Variants in PABPC4L observed in about 807,000 individuals in gnomAD.
PABPC4L encodes polyadenylate-binding protein 4-like.
For missense variants in PABPC4L, 452 were observed against 451.4 expected, an observed-to-expected ratio of 1.00 and a Z score of -0.01; for synonymous variants, 169 against 164.1, an observed-to-expected ratio of 1.03 and a Z score of -0.23.
At chr4:134,080,350 T>G in the PABPC4L span, among the ~76,000 whole-genome samples, 28,461 of 152,144 alleles carry the variant, frequency 0.19, 3,296 homozygotes, top group Admixed American at 0.25. Flanking sequence ...AGAGCAATGT[T>G]TCTCTTTCAA....
the PABPC4L span, among the ~76,000 whole-genome samples, chr4:134,179,225 T>G: frequency 6.6e-6 from 1 of 151,994 alleles, no homozygotes; most frequent in African/African-American, 2.4e-5. Flanking sequence ...ATGAGCCAGA[T>G]AAAACTGGGG....
the PABPC4L span, among the ~76,000 whole-genome samples, chr4:134,033,383 T>C: frequency 6.5e-4 from 99 of 151,964 alleles, 2 homozygotes; most frequent in East Asian, 0.013. Context: ...TTAATAACCC[T>C]ATAATGACAT....
chr4:134,035,521 T>G, the PABPC4L span, among the ~76,000 whole-genome samples: 1 of 152,050 alleles, frequency 6.6e-6, no homozygotes, highest in Admixed American at 6.6e-5. Flanking sequence ...ATTTGTGTGC[T>G]TCATGTTTGA....
chr4:134,008,803 T>C, the PABPC4L span, among the ~76,000 whole-genome samples: 1 of 151,778 alleles, frequency 6.6e-6, no homozygotes, highest in African/African-American at 2.4e-5. Flanking sequence ...TGAGGAAATA[T>C]CTCAGTATCT....
the PABPC4L span, among the ~76,000 whole-genome samples, chr4:134,183,322 T>G: frequency 4.6e-5 from 7 of 151,972 alleles, no homozygotes; most frequent in South Asian, 1.2e-3. Flanking sequence ...TAGATGGAGC[T>G]GGAGGCCATT....
chr4:134,154,611 A>G, the PABPC4L span, among the ~76,000 whole-genome samples: 1 of 151,832 alleles, frequency 6.6e-6, no homozygotes, highest in Non-Finnish European at 1.5e-5. Flanking sequence ...CCCTTTTAAA[A>G]CTTCACATTT....
chr4:134,022,704 A>T, the PABPC4L span, among the ~76,000 whole-genome samples: 1 of 151,722 alleles, frequency 6.6e-6, no homozygotes, highest in African/African-American at 2.4e-5. Flanking sequence ...GTTTTTGATG[A>T]TTATAGACTG....
At chr4:134,012,767 C>T in the PABPC4L span, among the ~76,000 whole-genome samples, 14 of 152,274 alleles carry the variant, frequency 9.2e-5, no homozygotes, top group South Asian at 1.2e-3. Flanking sequence ...ATTTCAAATC[C>T]GGTAAGCGGC....
chr4:134,200,880 G>A lies in PABPC4L; in HGVS notation c.140C>T (p.Thr47Ile), dbSNP rs765099377. ...GTAGGCATAGCCCAGAGAGCGGCGG[G>A]TGACCTGGTCCCTGCAAATGCGGAT... is the stretch of plus-strand genomic sequence containing the variant. ...LSIRICRDQV[T>I]RRSLGYAYVN... The change falls in exon 2 of 2, where the codon ACC (threonine) becomes ATC (isoleucine). Residue 47 changes from threonine to isoleucine, a missense_variant. Transcript: ENST00000421491. 3.8e-6 allele frequency: 6 copies of A among 1,561,682 alleles called. No homozygotes were observed. The highest frequency in any genetic ancestry group is 5.2e-6 in the Non-Finnish European group (6 of 1,152,588).
chr4:134,056,411 G>A, the PABPC4L span, among the ~76,000 whole-genome samples: 106,862 of 151,690 alleles, frequency 0.7, 38,053 homozygotes, highest in East Asian at 0.95. Context: ...CATTAAATCT[G>A]TATATCAATT....
the PABPC4L span, among the ~76,000 whole-genome samples, chr4:134,075,862 G>C: frequency 6.6e-6 from 1 of 152,104 alleles, no homozygotes; most frequent in African/African-American, 2.4e-5. Flanking sequence ...CTGCAAGCAT[G>C]TATCCATTGA....
At chr4:133,991,769 G>T in the PABPC4L span, among the ~76,000 whole-genome samples, 1 of 152,114 alleles carries the variant, frequency 6.6e-6, no homozygotes, top group Admixed American at 6.5e-5. Context: ...TGGTAGGAAT[G>T]CCTCAGATTG....
chr4:134,079,677 GTGTGTGTGTC>G, the PABPC4L span, among the ~76,000 whole-genome samples: 2 of 150,934 alleles, frequency 1.3e-5, no homozygotes, highest in African/African-American at 4.9e-5. Context: ...ATGTCTGTGT[GTGTGTGTGTC>G]TGTGTGTGTG....
chr4:134,003,379 T>C, the PABPC4L span, among the ~76,000 whole-genome samples: 2 of 152,070 alleles, frequency 1.3e-5, no homozygotes, highest in East Asian at 1.9e-4. Context: ...TTGAACATAT[T>C]GCATATTTCA....
chr4:134,161,710 A>G, the PABPC4L span, among the ~76,000 whole-genome samples: 2 of 152,154 alleles, frequency 1.3e-5, no homozygotes, highest in Non-Finnish European at 2.9e-5. Context: ...TAATGAGCAA[A>G]AATAAATTAA....
At chr4:134,004,035 C>A in the PABPC4L span, among the ~76,000 whole-genome samples, 1 of 151,814 alleles carries the variant, frequency 6.6e-6, no homozygotes, top group Non-Finnish European at 1.5e-5. Flanking sequence ...AACTCCAAAA[C>A]CACTAGCCAA....
chr4:134,121,393 A>AT, the PABPC4L span, among the ~76,000 whole-genome samples: 1 of 151,584 alleles, frequency 6.6e-6, no homozygotes, highest in African/African-American at 2.4e-5. Context: ...GCGATTCTGA[A>AT]TGATGTTACC....
the PABPC4L span, among the ~76,000 whole-genome samples, chr4:134,171,116 G>A: frequency 2.1e-4 from 32 of 152,092 alleles, no homozygotes; most frequent in African/African-American, 7.0e-4. Flanking sequence ...TTTTTCATAT[G>A]TTTTTGGCCA....
At chr4:134,171,659 G>A in the PABPC4L span, among the ~76,000 whole-genome samples, 2 of 152,030 alleles carry the variant, frequency 1.3e-5, no homozygotes. Context: ...AGTACTATAA[G>A]TCCTAGCCAG....
Sources: allele counts gnomAD v4.1 joint callset (sites outside exome capture counted in the v4.1 genomes callset), GRCh38; gene constraint gnomAD v4.1.1; transcripts MANE v1.5; gene names NCBI Gene and HGNC (gene_info 2026-07-23, HGNC 2026-07-21).